Variants in NBEA observed in about 807,000 individuals in gnomAD.
The protein encoded by NBEA is lysosomal-trafficking regulator 2.
NBEA carries 44 observed loss-of-function variants against 343.4 expected under a neutral mutation model. The ratio of observed to expected loss-of-function variants is 0.13; its 90% CI spans 0.10 to 0.16. The LOEUF (loss-of-function observed/expected upper bound fraction) is 0.16, where lower values mean the gene tolerates loss of function less well. Ranked by LOEUF, NBEA falls within the 10% of genes least tolerant of loss-of-function variation. The pLI, the probability that NBEA is intolerant of heterozygous loss-of-function variation, is 1.00. For synonymous variants in NBEA, 1,175 were observed against 1,238.7 expected (o/e 0.95, Z 1.08); for missense variants, 2,555 against 3,631.3 (o/e 0.70, Z 7.62).
chr13:35,421,490 A>G (rs1331812714), intron 38 of NBEA, among the ~76,000 whole-genome samples: 3 of 152,066 alleles, frequency 2.0e-5, no homozygotes, highest in African/African-American at 7.2e-5. Flanking sequence ...TAGTTATCTT[A>G]AATATTACCA....
chr13:35,388,979 T>C (rs17052192), intron 38 of NBEA, among the ~76,000 whole-genome samples: 19,829 of 151,936 alleles, frequency 0.13, 1,525 homozygotes, highest in African/African-American at 0.21. Context: ...GAAGAGTAGA[T>C]TTTTTTGCTA....
intron 34 of NBEA, among the ~76,000 whole-genome samples, chr13:35,270,092 A>AT (rs1377652960): frequency 6.6e-6 from 1 of 152,142 alleles, no homozygotes; most frequent in East Asian, 1.9e-4. Context: ...TCTCCAAATT[A>AT]TTTTTTTCTT....
At chr13:35,648,380 G>A (rs959078287) in intron 51 of NBEA, among the ~76,000 whole-genome samples, 3 of 151,708 alleles carry the variant, frequency 2.0e-5, no homozygotes, top group African/African-American at 2.4e-5. Flanking sequence ...ATGTGGCCTC[G>A]GAGCCTCACC....
intron 33 of NBEA, among the ~76,000 whole-genome samples, chr13:35,232,283 A>G (rs1237184281): frequency 1.3e-5 from 2 of 152,148 alleles, no homozygotes; most frequent in Non-Finnish European, 2.9e-5. Flanking sequence ...TTTTCATAGT[A>G]TAGTCATTGC....
intron 33 of NBEA, among the ~76,000 whole-genome samples, chr13:35,213,877 A>G (rs1346130298): frequency 6.6e-6 from 1 of 151,922 alleles, no homozygotes; most frequent in African/African-American, 2.4e-5. Flanking sequence ...ATCACCCCGA[A>G]AGTTCTGTGT....
chr13:35,167,327 T>G (rs2070115495), intron 24 of NBEA, among the ~76,000 whole-genome samples: 1 of 151,980 alleles, frequency 6.6e-6, no homozygotes, highest in Non-Finnish European at 1.5e-5. Context: ...AGTACAGTAA[T>G]TTATACTAGA....
rs535167773 is a variant in NBEA, at chr13:35,649,957, A to T, written c.7963+110A>T. On this transcript the variant is annotated intron_variant, in intron 52 of 58. Transcript: ENST00000379939. ...CTCATATCCCACATTATCTACAAAA[A>T]ACAGCAGACTAAATAAATAATTGTC... is the stretch of plus-strand genomic sequence containing the variant. 3.4e-5 allele frequency: 37 copies of T among 1,072,728 alleles called. No homozygotes were observed. The Admixed American group carries it at 5.7e-4, about 17-fold the overall frequency. The allele number at this position is 1,072,728 out of a possible 1,614,324, so 66.5% of individuals were successfully genotyped here.
Position 35,276,313 on chromosome 13 carries a change from G to A in NBEA, c.5777-14076G>A, listed in dbSNP as rs139839012. Among the ~76,000 whole-genome samples, 279 of 152,176 alleles carry A rather than the reference G, an allele frequency of 1.8e-3. 1 individual carries two copies. Among genetic ancestry groups the A allele is most frequent in the Non-Finnish European group, 3.0e-3 (205 of 67,986 alleles). ...CCAGGAAAATACCAAAAAAAAAGAG[G>A]CTATGTTTAGAATTACCCTCAGGCA... On this transcript the variant is annotated intron_variant, in intron 34 of 58. Transcript: ENST00000379939.
At chr13:34,967,419 T>C (rs1047591655) in intron 1 of NBEA, among the ~76,000 whole-genome samples, 5 of 151,794 alleles carry the variant, frequency 3.3e-5, no homozygotes, top group Non-Finnish European at 7.4e-5. Flanking sequence ...AATAGAAACA[T>C]ACTTTAAGAA....
chr13:35,287,335 A>G (rs1340865113), intron 34 of NBEA, among the ~76,000 whole-genome samples: 2 of 152,024 alleles, frequency 1.3e-5, no homozygotes, highest in Admixed American at 6.6e-5. Flanking sequence ...TTCTTAATTA[A>G]CAAGGCACAG....
At chr13:34,985,392 C>T (rs909677664) in intron 1 of NBEA, among the ~76,000 whole-genome samples, 5 of 150,940 alleles carry the variant, frequency 3.3e-5, no homozygotes, top group African/African-American at 9.7e-5. Context: ...ATGAAGCCGA[C>T]TTGATTGTGC....
intron 31 of NBEA, among the ~76,000 whole-genome samples, chr13:35,204,513 G>A (rs1336522369): frequency 5.9e-5 from 9 of 151,994 alleles, no homozygotes; most frequent in African/African-American, 1.7e-4. Context: ...ACCGGCCCTC[G>A]TGATTCAATT....
chr13:35,129,775 T>C (rs1191344837), intron 17 of NBEA, among the ~76,000 whole-genome samples: 1 of 152,096 alleles, frequency 6.6e-6, no homozygotes, highest in Non-Finnish European at 1.5e-5. Flanking sequence ...TAAAATGAAT[T>C]CTAATCAGGG....
chr13:35,337,460 T>TA (rs1384338292), intron 36 of NBEA, among the ~76,000 whole-genome samples: 2 of 152,100 alleles, frequency 1.3e-5, no homozygotes, highest in Non-Finnish European at 2.9e-5. Flanking sequence ...ATCATAGTTT[T>TA]AAAAATATAT....
chr13:35,446,991 A>C (rs2046082484), intron 39 of NBEA, among the ~76,000 whole-genome samples: 2 of 152,110 alleles, frequency 1.3e-5, no homozygotes, highest in Admixed American at 6.6e-5. Context: ...ATTTATAGCT[A>C]ACCTATTGTT....
In NBEA at chr13:35,184,000, A is replaced by T; in HGVS notation, c.4856A>T (p.His1619Leu). 1 of 1,611,554 alleles carries T rather than the reference A, an allele frequency of 6.2e-7. No homozygotes were observed. The highest frequency in any genetic ancestry group is 8.5e-7 in the Non-Finnish European group (1 of 1,178,432). The change falls in exon 30 of 59, where the codon CAT becomes CTT. Residue 1619 changes from histidine to leucine, a missense_variant. Physicochemically the swap from His to Leu is moderately conservative, Grantham distance 99. Around this residue, in one of 21 missense-constraint regions of NBEA, gnomAD observed 270 missense variants for 293.3 expected, o/e 0.92. Coordinates refer to ENST00000379939, the MANE Select transcript of NBEA (RefSeq NM_001385012.1). ...STVVVIPSIP[H>L]PSLNHGFLAK... ...GTTGTGGTCATACCATCTATCCCTCATCCAAGTTTGAACCATGGATTCCTT... is the reference window on the plus strand; with the variant it reads ...GTTGTGGTCATACCATCTATCCCTCTTCCAAGTTTGAACCATGGATTCCTT...
At chr13:35,349,449 T>G (rs1040407290) in intron 37 of NBEA, among the ~76,000 whole-genome samples, 2 of 152,114 alleles carry the variant, frequency 1.3e-5, no homozygotes, top group East Asian at 3.9e-4. Flanking sequence ...TTTGGTAGAC[T>G]GAAGTTATTC....
At chr13:34,983,146 T>G (rs2060416420) in intron 1 of NBEA, among the ~76,000 whole-genome samples, 1 of 152,138 alleles carries the variant, frequency 6.6e-6, no homozygotes, top group Non-Finnish European at 1.5e-5. Flanking sequence ...ACATTAGGTA[T>G]TTCTCCTAAT....
At chr13:35,093,714 A>C (rs968098496) in intron 10 of NBEA, among the ~76,000 whole-genome samples, 1 of 151,948 alleles carries the variant, frequency 6.6e-6, no homozygotes, top group Non-Finnish European at 1.5e-5. Flanking sequence ...TTACATTATT[A>C]AATTTCTAAA....
Sources: allele counts gnomAD v4.1 joint callset (sites outside exome capture counted in the v4.1 genomes callset), GRCh38; gene constraint gnomAD v4.1.1; regional missense constraint gnomAD v4.1.1; transcripts MANE v1.5; gene names NCBI Gene and HGNC (gene_info 2026-07-23, HGNC 2026-07-21).